The following INPP4B variants were observed in gnomAD, a reference collection of about 807,000 sequenced individuals.
The protein encoded by INPP4B is inositol polyphosphate-4-phosphatase type II B.
INPP4B carries 55 observed loss-of-function variants against 122.5 expected under a neutral mutation model. The ratio of observed to expected loss-of-function variants is 0.45; its 90% CI spans 0.36 to 0.56. INPP4B has a LOEUF of 0.56. Among genes scored for constraint, INPP4B ranks in the 20% least tolerant of loss-of-function variants. INPP4B has a pLI of 0.00. For synonymous variants in INPP4B, 403 were observed against 388.7 expected, an observed-to-expected ratio of 1.04 and a Z score of -0.43; for missense variants, 1,000 against 1,097.7, an observed-to-expected ratio of 0.91 and a Z score of 1.26.
chr4:142,229,507 C>G (rs1044712011), intron 12 of INPP4B, among the ~76,000 whole-genome samples: 4 of 151,942 alleles, frequency 2.6e-5, no homozygotes, highest in Non-Finnish European at 5.9e-5. Flanking sequence ...TCCACATGGC[C>G]GGTGAATGGT....
At chr4:142,621,957 AAGAC>A (rs1263369882) in intron 2 of INPP4B, among the ~76,000 whole-genome samples, 2 of 151,992 alleles carry the variant, frequency 1.3e-5, no homozygotes, top group African/African-American at 4.8e-5. Context: ...TAGAAAAACT[AAGAC>A]AGAAGATTAA....
At chr4:142,424,268 G>C (rs1807566595) in intron 5 of INPP4B, among the ~76,000 whole-genome samples, 1 of 151,846 alleles carries the variant, frequency 6.6e-6, no homozygotes, top group African/African-American at 2.4e-5. Context: ...GATTTCAAGA[G>C]TAGTAGTTTA....
At chr4:142,501,118 T>C (rs141313699) in intron 2 of INPP4B, among the ~76,000 whole-genome samples, 21 of 152,320 alleles carry the variant, frequency 1.4e-4, no homozygotes, top group African/African-American at 4.6e-4. Context: ...CTAACTTCCG[T>C]AAGCATCAAT....
chr4:142,399,279 C>T (rs1579956302), intron 7 of INPP4B, among the ~76,000 whole-genome samples: 1 of 134,966 alleles, frequency 7.4e-6, no homozygotes, highest in East Asian at 2.6e-4. Flanking sequence ...TCACTGCAAC[C>T]TCTGCCTCCC....
chr4:142,121,815 C>G (rs1380316314), intron 21 of INPP4B, among the ~76,000 whole-genome samples: 1 of 151,894 alleles, frequency 6.6e-6, no homozygotes, highest in Non-Finnish European at 1.5e-5. Context: ...GTAAAAACAC[C>G]CAGAGCTTTG....
intron 7 of INPP4B, among the ~76,000 whole-genome samples, chr4:142,344,660 G>A (rs1033565012): frequency 1.3e-5 from 2 of 151,880 alleles, no homozygotes; most frequent in Admixed American, 1.3e-4. Context: ...AAATGTAAAG[G>A]TATATGGAAG....
At chr4:142,287,332 T>G (rs1754202328) in intron 9 of INPP4B, 1 of 152,246 alleles carries the variant, frequency 6.6e-6, no homozygotes, top group Admixed American at 6.5e-5. Flanking sequence ...GTGGTAGTTC[T>G]GACGATAGCT....
At chr4:142,428,794 C>A (rs1453414956) in intron 5 of INPP4B, among the ~76,000 whole-genome samples, 1 of 151,870 alleles carries the variant, frequency 6.6e-6, no homozygotes, top group Non-Finnish European at 1.5e-5. Flanking sequence ...CTGGAAATGC[C>A]ATAAAGAACA....
intron 2 of INPP4B, among the ~76,000 whole-genome samples, chr4:142,689,645 T>C (rs1759872645): frequency 6.6e-6 from 1 of 152,144 alleles, no homozygotes; most frequent in Non-Finnish European, 1.5e-5. Context: ...CCTAGCAACA[T>C]TAATTCTGCA....
chr4:142,482,315 C>A (rs1441096114), intron 2 of INPP4B, among the ~76,000 whole-genome samples: 1 of 152,074 alleles, frequency 6.6e-6, no homozygotes, highest in Non-Finnish European at 1.5e-5. Flanking sequence ...GAACTCTGCT[C>A]CACACAGGAA....
intron 14 of INPP4B, among the ~76,000 whole-genome samples, chr4:142,207,176 C>T (rs1334843128): frequency 6.6e-6 from 1 of 152,080 alleles, no homozygotes; most frequent in African/African-American, 2.4e-5. Flanking sequence ...TTGTACATAA[C>T]ACAATTTATC....
intron 2 of INPP4B, among the ~76,000 whole-genome samples, chr4:142,630,189 C>G (rs1418852716): frequency 6.6e-6 from 1 of 152,030 alleles, no homozygotes; most frequent in Non-Finnish European, 1.5e-5. Context: ...GCATGAAAAC[C>G]AAGGGAGATA....
At chr4:142,552,738 C>A (rs1365410537) in intron 2 of INPP4B, among the ~76,000 whole-genome samples, 1 of 152,176 alleles carries the variant, frequency 6.6e-6, no homozygotes, top group Non-Finnish European at 1.5e-5. Flanking sequence ...TACATTATGT[C>A]TTAATATTAC....
chr4:142,146,031 T>C (rs2152843652), intron 17 of INPP4B, 35 bp from the exon 18 acceptor site: 12 of 1,583,268 alleles, frequency 7.6e-6, no homozygotes, highest in Non-Finnish European at 1.0e-5. Flanking sequence ...CATATTTTTG[T>C]CACAAAAACA....
At chr4:142,692,930 G>GATAGATAGATAGATAGATAGATAC (rs1322306964) in intron 2 of INPP4B, among the ~76,000 whole-genome samples, 8,375 of 150,218 alleles carry the variant, frequency 0.056, 291 homozygotes, top group South Asian at 0.069. Flanking sequence ...TAGATAGATA[G>GATAGATAGATAGATAGATAGATAC]ATAGATACAT....
intron 7 of INPP4B, among the ~76,000 whole-genome samples, chr4:142,345,811 A>G (rs1042202308): frequency 6.6e-6 from 1 of 152,046 alleles, no homozygotes; most frequent in Non-Finnish European, 1.5e-5. Context: ...TTATGCTTAC[A>G]TGCATGTAGG....
intron 2 of INPP4B, among the ~76,000 whole-genome samples, chr4:142,553,280 C>T (rs1728405720): frequency 6.6e-6 from 1 of 152,214 alleles, no homozygotes; most frequent in South Asian, 2.1e-4. Context: ...GAAGACTCCA[C>T]ATTCCCACTC....
intron 17 of INPP4B, among the ~76,000 whole-genome samples, chr4:142,151,059 C>A (rs1181913785): frequency 1.3e-5 from 2 of 152,166 alleles, no homozygotes; most frequent in Non-Finnish European, 1.5e-5. Flanking sequence ...AAGGCCAATT[C>A]CATCTTTAAA....
At chr4:142,244,633 C>T (rs953792441) in intron 11 of INPP4B, among the ~76,000 whole-genome samples, 2 of 151,922 alleles carry the variant, frequency 1.3e-5, no homozygotes, top group East Asian at 1.9e-4. Context: ...TATCACTGAT[C>T]GGCATTTGGG....
Sources: allele counts gnomAD v4.1 joint callset (sites outside exome capture counted in the v4.1 genomes callset), GRCh38; gene constraint gnomAD v4.1.1; transcripts MANE v1.5; gene names NCBI Gene and HGNC (gene_info 2026-07-23, HGNC 2026-07-21).